PRCP: variants seen among roughly 807,000 people sequenced by gnomAD.
PRCP encodes prolylcarboxypeptidase, also known as lysosomal Pro-X carboxypeptidase.
In PRCP, 46 loss-of-function variants were observed where a neutral mutation model predicts 54.2. That is an observed-to-expected ratio of 0.85 (90% CI 0.67 to 1.09). The LOEUF (loss-of-function observed/expected upper bound fraction) is 1.09, where lower values mean the gene tolerates loss of function less well. PRCP is among the 50% of genes least tolerant of loss of function. The pLI, the probability that PRCP is intolerant of heterozygous loss-of-function variation, is 0.00. For missense variants in PRCP, 613 were observed against 596.8 expected (o/e 1.03, Z -0.28); for synonymous variants, 240 against 212.2 (o/e 1.13, Z -1.14).
At chr11:82,860,326 T>C (rs1267431495) in intron 1 of PRCP, among the ~76,000 whole-genome samples, 1 of 151,246 alleles carries the variant, frequency 6.6e-6, no homozygotes, top group African/African-American at 2.5e-5. Flanking sequence ...TAATATTTGC[T>C]ATTGGTGATC....
At chr11:82,852,936 A>C (rs1286837536) in intron 3 of PRCP, among the ~76,000 whole-genome samples, 1 of 152,182 alleles carries the variant, frequency 6.6e-6, no homozygotes, top group East Asian at 1.9e-4. Context: ...CCACAGAGTA[A>C]AATTTAACTT....
At chr11:82,896,018 A>T (rs1860111748) in intron 1 of PRCP, among the ~76,000 whole-genome samples, 1 of 152,208 alleles carries the variant, frequency 6.6e-6, no homozygotes, top group South Asian at 2.1e-4. Context: ...GTTAAATAGG[A>T]ATAGCTGGGT....
At chr11:82,881,006 C>A (rs1859737400) in intron 1 of PRCP, among the ~76,000 whole-genome samples, 5 of 152,188 alleles carry the variant, frequency 3.3e-5, no homozygotes, top group Admixed American at 6.5e-5. Flanking sequence ...ATGCTTTATG[C>A]CTCTCTTGCA....
intron 1 of PRCP, among the ~76,000 whole-genome samples, chr11:82,893,970 A>G (rs1468509736): frequency 6.6e-6 from 1 of 152,236 alleles, no homozygotes; most frequent in Non-Finnish European, 1.5e-5. Context: ...ATAATGCATT[A>G]GACACATTTA....
Position 82,855,533 on chromosome 11 carries a change from G to A in PRCP, c.310-2255C>T, listed in dbSNP as rs1859064195. ...ACTCGGGAGACTGAGGCAGTAGAATGGCGTGAACCCGGGAGGCGGAGCTTG... is the reference window on the plus strand; with the variant it reads ...ACTCGGGAGACTGAGGCAGTAGAATAGCGTGAACCCGGGAGGCGGAGCTTG... On this transcript the variant is annotated intron_variant, in intron 2 of 8. Coordinates refer to ENST00000313010, the MANE Select transcript of PRCP (RefSeq NM_005040.4). 2.0e-5 allele frequency among the ~76,000 whole-genome samples: 3 copies of A among 152,190 alleles called. No homozygotes were observed. In the Middle Eastern group the frequency reaches 0.01, roughly 518 times the overall value.
intron 8 of PRCP, among the ~76,000 whole-genome samples, chr11:82,835,274 T>C (rs1157185843): frequency 1.3e-5 from 2 of 152,058 alleles, no homozygotes; most frequent in Non-Finnish European, 2.9e-5. Context: ...ATAAGAGGCC[T>C]TTTTTTGCAA....
chr11:82,872,586 G>A (rs1219270719), intron 1 of PRCP, among the ~76,000 whole-genome samples: 4 of 152,114 alleles, frequency 2.6e-5, no homozygotes, highest in African/African-American at 7.2e-5. Context: ...GCAAAAGAAC[G>A]CCAAGGACTG....
rs1222326729 is a variant in PRCP, at chr11:82,823,899, A to T, written c.*1007T>A. The T allele has an allele frequency of 1.3e-5, 2 of 152,250 alleles. No homozygotes were observed. Among genetic ancestry groups the T allele is most frequent in the African/African-American group, 4.8e-5 (2 of 41,468 alleles). 9.4% of individuals were successfully genotyped at this position (152,250 alleles called of 1,614,324 possible). A position where few individuals can be genotyped will look rare whatever the true frequency, so the allele number is the denominator to read the frequency against. On this transcript the variant is annotated 3_prime_UTR_variant, in exon 9 of 9. Transcript: ENST00000313010. ...TTAGTCAGCTTGTCTTTTGGAAGTCATACAGAAAAGTTCTTGTGCACCTGC... is the reference window on the plus strand; with the variant it reads ...TTAGTCAGCTTGTCTTTTGGAAGTCTTACAGAAAAGTTCTTGTGCACCTGC...
chr11:82,825,412 C>G, intron 8 of PRCP: 1 of 325,636 alleles, frequency 3.1e-6, no homozygotes, highest in Admixed American at 4.6e-5. Context: ...GAATTTCAAT[C>G]CTGATTTCAT....
At chr11:82,846,542 T>C (rs965771288) in intron 6 of PRCP, among the ~76,000 whole-genome samples, 6 of 152,028 alleles carry the variant, frequency 3.9e-5, no homozygotes, top group Admixed American at 1.3e-4. Flanking sequence ...AAGGATAATG[T>C]CAGTAAGAAA....
At position 82,864,120 on chromosome 11, in the gene PRCP, C is replaced by A. The variant is rs148351379; in HGVS notation, c.169-4003G>T. On this transcript the variant is annotated intron_variant, in intron 1 of 8. Coordinates refer to ENST00000313010, the MANE Select transcript of PRCP (RefSeq NM_005040.4). ...TTCTCCTCTCTATCCCATTTGCACA[C>A]CAATCCTAAGCACGGAGTACTTAGA... Among the ~76,000 whole-genome samples the A allele has an allele frequency of 4.9e-4, 74 of 152,322 alleles. 1 individual carries two copies. Among genetic ancestry groups the A allele is most frequent in the African/African-American group, 1.7e-3 (72 of 41,568 alleles).
intron 8 of PRCP, chr11:82,825,457 C>T (rs1248715795): frequency 7.5e-6 from 2 of 265,404 alleles, no homozygotes; most frequent in African/African-American, 4.6e-5. Flanking sequence ...TTACCTGACT[C>T]AGTTTCCTCA....
At chr11:82,874,273 G>C (rs1268238764) in intron 1 of PRCP, among the ~76,000 whole-genome samples, 1 of 152,160 alleles carries the variant, frequency 6.6e-6, no homozygotes, top group South Asian at 2.1e-4. Context: ...ATAAGTACTA[G>C]AGTATAACAA....
At chr11:82,830,045 A>T (rs1390441883) in intron 8 of PRCP, 1 of 152,196 alleles carries the variant, frequency 6.6e-6, no homozygotes, top group Non-Finnish European at 1.5e-5. Context: ...ACCCCTGTGA[A>T]CCTCAATTCT....
chr11:82,853,047 T>G, intron 3 of PRCP, 130 bp downstream of exon 3: 2 of 578,560 alleles, frequency 3.5e-6, no homozygotes, highest in Non-Finnish European at 5.8e-6. Flanking sequence ...AAAAAGAAAC[T>G]ATTAAATATA....
chr11:82,826,089 A>T (rs1175106633), intron 8 of PRCP: 3 of 152,172 alleles, frequency 2.0e-5, no homozygotes, highest in African/African-American at 7.2e-5. Flanking sequence ...CGTCACCCCA[A>T]ATAGAAACCC....
At chr11:82,885,309 A>C (rs916610418) in intron 1 of PRCP, among the ~76,000 whole-genome samples, 6 of 152,264 alleles carry the variant, frequency 3.9e-5, no homozygotes, top group Admixed American at 1.3e-4. Context: ...TTGCAGAAAT[A>C]TAACATGAGT....
chr11:82,862,714 T>C (rs1859236155), intron 1 of PRCP, among the ~76,000 whole-genome samples: 1 of 152,248 alleles, frequency 6.6e-6, no homozygotes, highest in African/African-American at 2.4e-5. Context: ...TATTCTAATC[T>C]AAAGACTGTC....
intron 3 of PRCP, among the ~76,000 whole-genome samples, chr11:82,851,946 T>G (rs1056494304): frequency 6.6e-6 from 1 of 152,054 alleles, no homozygotes; most frequent in Non-Finnish European, 1.5e-5. Flanking sequence ...GTTGAGTGCA[T>G]TTTTTTTCTA....
Sources: gnomAD v4.1 joint callset for allele counts (sites outside exome capture counted in the v4.1 genomes callset) on GRCh38, gnomAD v4.1.1 for gene constraint, MANE v1.5 for transcripts, NCBI Gene and HGNC (gene_info 2026-07-23, HGNC 2026-07-21) for gene names.